TAF4: variants seen among roughly 807,000 people sequenced by gnomAD.
TAF4 encodes the protein transcription initiation factor TFIID subunit 4.
Under a neutral mutation model 90.3 loss-of-function variants are expected in TAF4, and 9 were observed. The observed-to-expected ratio is 0.10, with a 90% CI of 0.06 to 0.17. The LOEUF is 0.17. TAF4 is among the 10% of genes least tolerant of loss of function. TAF4 has a pLI of 1.00. For missense variants in TAF4, 1,351 were observed against 1,370.7 expected, an observed-to-expected ratio of 0.99 and a Z score of 0.23; for synonymous variants, 818 against 638.9, an observed-to-expected ratio of 1.28 and a Z score of -4.23.
chr20:62,012,807 C>T lies in TAF4; in HGVS notation c.1641+8G>A, dbSNP rs745459760. The stretch of plus-strand genomic sequence containing the variant: ...CAGCCTCAAGAGATCCGCCGCCTGC[C>T]CTCTCACCTGGACGCCGGGCGAGCG... On this transcript the variant is annotated splice_region_variant and intron_variant, in intron 3 of 14. Transcript: ENST00000252996. 6.2e-7 allele frequency: 1 copy of T among 1,609,172 alleles called. No homozygotes were observed. Among genetic ancestry groups the T allele is most frequent in the Non-Finnish European group, 8.5e-7 (1 of 1,178,564 alleles).
At chr20:61,999,325 G>A (rs532585151) in intron 11 of TAF4, among the ~76,000 whole-genome samples, 3 of 152,234 alleles carry the variant, frequency 2.0e-5, no homozygotes, top group Non-Finnish European at 4.4e-5. Context: ...CTGTCTCAGG[G>A]GCACACTTGT....
intron 1 of TAF4, among the ~76,000 whole-genome samples, chr20:62,022,052 A>G (rs1568934561): frequency 6.6e-6 from 1 of 151,812 alleles, no homozygotes; most frequent in Non-Finnish European, 1.5e-5. Flanking sequence ...TAGAGGGGCA[A>G]GAACACCCCA....
intron 1 of TAF4, among the ~76,000 whole-genome samples, chr20:62,045,304 C>T (rs1200571382): frequency 6.6e-6 from 1 of 152,246 alleles, no homozygotes; most frequent in Non-Finnish European, 1.5e-5. Context: ...CCCTGCCCTT[C>T]CTGGGAAAGC....
At position 61,998,485 on chromosome 20, in the gene TAF4, A is replaced by C. The variant is rs76582593; in HGVS notation, c.2914-293T>G. 5.4e-3 allele frequency among the ~76,000 whole-genome samples: 820 copies of C among 152,322 alleles called. 7 individuals carry two copies. Among genetic ancestry groups the C allele is most frequent in the African/African-American group, 0.018 (767 of 41,578 alleles). ...ATGTGACCGCATGATGGCAGGCAGA[A>C]TGGGCCTCATAGGCTCCTTGCTGTC... On this transcript the variant is annotated intron_variant, in intron 12 of 14. Coordinates refer to ENST00000252996, the MANE Select transcript of TAF4 (RefSeq NM_003185.4).
intron 1 of TAF4, among the ~76,000 whole-genome samples, chr20:62,033,755 A>G (rs1213074657): frequency 6.7e-6 from 1 of 150,016 alleles, no homozygotes; most frequent in Non-Finnish European, 1.5e-5. Context: ...AAAAAAAAAG[A>G]AAAAGGGCCA....
intron 14 of TAF4, among the ~76,000 whole-genome samples, chr20:61,982,191 C>T (rs537029876): frequency 1.9e-4 from 26 of 137,816 alleles, no homozygotes; most frequent in East Asian, 5.5e-4. Flanking sequence ...ACACCAAACC[C>T]ACACCCCACC....
At chr20:62,018,107 G>A (rs893050294) in intron 1 of TAF4, among the ~76,000 whole-genome samples, 5 of 152,164 alleles carry the variant, frequency 3.3e-5, no homozygotes, top group South Asian at 2.1e-4. Flanking sequence ...GTAGCTTCTC[G>A]AGGCATTGAA....
intron 1 of TAF4, among the ~76,000 whole-genome samples, chr20:62,020,258 C>A (rs1306204080): frequency 1.3e-5 from 2 of 152,240 alleles, no homozygotes; most frequent in Admixed American, 6.5e-5. Context: ...AGGCTGCAGG[C>A]ACCGCTGTGC....
chr20:62,003,947 G>A (rs1223491174), intron 7 of TAF4, 69 bp from the exon 8 acceptor site: 3 of 1,482,540 alleles, frequency 2.0e-6, no homozygotes, highest in Non-Finnish European at 2.7e-6. Flanking sequence ...GTCCCTAGCA[G>A]GAGGTTCTTC....
Position 62,012,926 on chromosome 20 carries a change from T to G in TAF4, c.1530A>C (p.Gly510=). 1 of 1,612,796 alleles carries G rather than the reference T, an allele frequency of 6.2e-7. No homozygotes were observed. The highest frequency in any genetic ancestry group is 1.1e-5 in the South Asian group (1 of 90,666). The part of the protein sequence containing the change: ...PVQISTVQAP[G]TPIIARQVTP... ...TCACCTGCCGTGCAATGATAGGTGTTCCAGGTGCCTGAAAAATAAGCAGAG... is the reference window on the plus strand; with the variant it reads ...TCACCTGCCGTGCAATGATAGGTGTGCCAGGTGCCTGAAAAATAAGCAGAG... Residue 510 remains glycine, a synonymous_variant, in exon 3 of 15, where the codon GGA becomes GGC. Coordinates refer to ENST00000252996, the MANE Select transcript of TAF4 (RefSeq NM_003185.4).
In TAF4 at chr20:62,003,150, C is replaced by T. The variant is rs781657943; in HGVS notation, c.2486+10G>A. 1 of 1,611,146 alleles carries T rather than the reference C, an allele frequency of 6.2e-7. No individual in the cohort carries two copies. The highest frequency in any genetic ancestry group is 1.1e-5 in the South Asian group (1 of 91,018). On this transcript the variant is annotated intron_variant, in intron 9 of 14. Transcript: ENST00000252996. Reference sequence around the variant, plus strand: ...CACGCTTCTCCAACGTACACAGGCCCATTCCTTACCGAAACGAACCTCCCC... The same window carrying T: ...CACGCTTCTCCAACGTACACAGGCCTATTCCTTACCGAAACGAACCTCCCC...
chr20:62,014,053 T>TGG (rs2055798730), intron 2 of TAF4, among the ~76,000 whole-genome samples: 2 of 151,470 alleles, frequency 1.3e-5, no homozygotes, highest in African/African-American at 4.9e-5. Flanking sequence ...TGTATGTGTG[T>TGG]GTGTGTGTGT....
At chr20:62,059,138 G>A (rs76585808) in intron 1 of TAF4, among the ~76,000 whole-genome samples, 1,699 of 152,330 alleles carry the variant, frequency 0.011, 30 homozygotes, top group African/African-American at 0.039. Flanking sequence ...CACGGTGGGA[G>A]AAGCTGGGGG....
At chr20:62,063,066 AC>A in intron 1 of TAF4, among the ~76,000 whole-genome samples, 1 of 151,898 alleles carries the variant, frequency 6.6e-6, no homozygotes, top group Admixed American at 6.6e-5. Flanking sequence ...CTGGCAAAAC[AC>A]CCCTACAAAC....
intron 2 of TAF4, among the ~76,000 whole-genome samples, chr20:62,013,753 G>A (rs1328990013): frequency 2.0e-5 from 3 of 152,222 alleles, no homozygotes; most frequent in Non-Finnish European, 4.4e-5. Context: ...GCAGGAACAC[G>A]CAGCGTGCGG....
intron 1 of TAF4, among the ~76,000 whole-genome samples, chr20:62,029,987 C>G (rs1186531926): frequency 6.6e-6 from 1 of 152,192 alleles, no homozygotes; most frequent in Admixed American, 6.5e-5. Flanking sequence ...GAAGGAAGAA[C>G]AGTGCGCCGC....
chr20:62,052,136 TC>T (rs1485492852), intron 1 of TAF4, among the ~76,000 whole-genome samples: 1 of 151,814 alleles, frequency 6.6e-6, no homozygotes, highest in African/African-American at 2.4e-5. Flanking sequence ...GCCAACCAGC[TC>T]CAAGTGGGGT....
chr20:62,015,576 G>A (rs148635116), intron 1 of TAF4, among the ~76,000 whole-genome samples: 21 of 152,226 alleles, frequency 1.4e-4, no homozygotes, highest in Admixed American at 3.3e-4. Context: ...CTAAACACAC[G>A]TGCAATGAGG....
chr20:62,015,788 T>C (rs1430397680), intron 1 of TAF4, among the ~76,000 whole-genome samples: 1 of 152,212 alleles, frequency 6.6e-6, no homozygotes, highest in Non-Finnish European at 1.5e-5. Flanking sequence ...CCTCCTGCGC[T>C]ATGACGCTGG....
Sources: gnomAD v4.1 joint callset for allele counts (sites outside exome capture counted in the v4.1 genomes callset) on GRCh38, gnomAD v4.1.1 for gene constraint, MANE v1.5 for transcripts, NCBI Gene and HGNC (gene_info 2026-07-23, HGNC 2026-07-21) for gene names.